Variants in ZNF385B observed in about 807,000 individuals in gnomAD.
ZNF385B encodes the protein zinc finger protein 533.
Under a neutral mutation model 39.2 loss-of-function variants are expected in ZNF385B, and 23 were observed. The ratio of observed to expected loss-of-function variants is 0.59; its 90% CI spans 0.42 to 0.83. The LOEUF is 0.83. Among genes scored for constraint, ZNF385B ranks in the 40% least tolerant of loss-of-function variants. The pLI, the probability that ZNF385B is intolerant of heterozygous loss-of-function variation, is 0.00. For synonymous variants in ZNF385B, 205 were observed against 222.6 expected (o/e 0.92, Z 0.70); for missense variants, 552 against 598.9 (o/e 0.92, Z 0.82).
intron 1 of ZNF385B, among the ~76,000 whole-genome samples, chr2:179,791,086 G>A (rs1459230794): frequency 6.6e-6 from 1 of 152,186 alleles, no homozygotes; most frequent in African/African-American, 2.4e-5. Context: ...GTGGGAGGCA[G>A]CAGGCAATAT....
At chr2:179,636,140 A>G (rs924037272) in intron 3 of ZNF385B, among the ~76,000 whole-genome samples, 1 of 152,214 alleles carries the variant, frequency 6.6e-6, no homozygotes, top group Non-Finnish European at 1.5e-5. Context: ...GCAAGTTTAC[A>G]TGTTTGGTGG....
At chr2:179,444,210 T>C (rs2049245116) in intron 9 of ZNF385B, among the ~76,000 whole-genome samples, 1 of 152,198 alleles carries the variant, frequency 6.6e-6, no homozygotes, top group African/African-American at 2.4e-5. Context: ...AGCTGGAAGG[T>C]AATCTCAGAA....
At chr2:179,542,831 T>C (rs1244279453) in intron 4 of ZNF385B, among the ~76,000 whole-genome samples, 1 of 152,198 alleles carries the variant, frequency 6.6e-6, no homozygotes, top group African/African-American at 2.4e-5. Flanking sequence ...GAAGGATGGA[T>C]ACCAGTTGCT....
At chr2:179,488,701 G>T (rs1263403990) in intron 5 of ZNF385B, among the ~76,000 whole-genome samples, 2 of 152,036 alleles carry the variant, frequency 1.3e-5, no homozygotes, top group Admixed American at 6.6e-5. Context: ...ACTGGCATCT[G>T]TTTTTTTCCT....
chr2:179,468,136 C>T (rs1186843088), intron 6 of ZNF385B, among the ~76,000 whole-genome samples: 3 of 152,232 alleles, frequency 2.0e-5, no homozygotes, highest in Non-Finnish European at 2.9e-5. Context: ...CTGCCAGCCT[C>T]ACACTCAGAT....
At chr2:179,795,444 G>C (rs1705599789) in intron 1 of ZNF385B, among the ~76,000 whole-genome samples, 1 of 152,106 alleles carries the variant, frequency 6.6e-6, no homozygotes, top group Non-Finnish European at 1.5e-5. Flanking sequence ...TTTGTATGTT[G>C]TCAGTGCTAT....
intron 3 of ZNF385B, among the ~76,000 whole-genome samples, chr2:179,733,508 G>A (rs1051442958): frequency 3.3e-5 from 5 of 152,130 alleles, no homozygotes; most frequent in Non-Finnish European, 7.4e-5. Flanking sequence ...AAGTACAAGA[G>A]TTGGTGGCTC....
chr2:179,773,602 A>G (rs1559182124), intron 1 of ZNF385B, among the ~76,000 whole-genome samples: 1 of 152,132 alleles, frequency 6.6e-6, no homozygotes, highest in African/African-American at 2.4e-5. Context: ...AATTATTTAT[A>G]TAGTTTTATG....
At chr2:179,620,259 C>A (rs1690098291) in intron 3 of ZNF385B, among the ~76,000 whole-genome samples, 1 of 152,156 alleles carries the variant, frequency 6.6e-6, no homozygotes, top group Non-Finnish European at 1.5e-5. Context: ...TACTGTAGAT[C>A]CTCTCACTTG....
intron 3 of ZNF385B, among the ~76,000 whole-genome samples, chr2:179,747,764 C>G (rs901457469): frequency 3.3e-5 from 5 of 152,062 alleles, no homozygotes; most frequent in African/African-American, 9.7e-5. Context: ...AAAGGTAATA[C>G]TCTACGTATG....
At chr2:179,565,832 G>A (rs980099665) in intron 3 of ZNF385B, among the ~76,000 whole-genome samples, 1 of 152,180 alleles carries the variant, frequency 6.6e-6, no homozygotes, top group African/African-American at 2.4e-5. Flanking sequence ...CTCCGAAGCT[G>A]CAATGCATTT....
Position 179,446,666 on chromosome 2 carries a change from C to G in ZNF385B, c.820G>C (p.Ala274Pro). ...SGTTPLPPGA[A>P]TSPSKSTNGA... ...TTTGTGCTCTTGGAGGGAGAAGTGG[C>G]TGCTCCAGGTGGCAGGGGTGTTGTG... Residue 274 changes from alanine (A) to proline (P), a missense_variant, in exon 7 of 10, where the codon GCC becomes CCC. Ala to Pro is a conservative substitution (Grantham distance 27). Coordinates refer to ENST00000410066, the MANE Select transcript of ZNF385B (RefSeq NM_152520.6). The G allele has an allele frequency of 6.2e-7, 1 of 1,614,092 alleles. No homozygotes were observed. The highest frequency in any genetic ancestry group is 8.5e-7 in the Non-Finnish European group (1 of 1,180,008).
intron 3 of ZNF385B, among the ~76,000 whole-genome samples, chr2:179,686,830 G>C (rs781530286): frequency 9.9e-5 from 15 of 151,984 alleles, no homozygotes; most frequent in Non-Finnish European, 2.1e-4. Flanking sequence ...ATTTTGTTTA[G>C]AAATACATAT....
intron 3 of ZNF385B, among the ~76,000 whole-genome samples, chr2:179,651,670 C>T (rs534940371): frequency 8.3e-4 from 126 of 152,138 alleles, no homozygotes; most frequent in African/African-American, 2.9e-3. Context: ...AGACAGTCCC[C>T]GAGACTGATT....
intron 6 of ZNF385B, among the ~76,000 whole-genome samples, chr2:179,449,748 CTACTT>C: frequency 6.6e-6 from 1 of 152,062 alleles, no homozygotes; most frequent in African/African-American, 2.4e-5. Flanking sequence ...TTGGAAAATA[CTACTT>C]TAAAGTTCAC....
At chr2:179,818,051 T>C (rs973693029) in intron 1 of ZNF385B, among the ~76,000 whole-genome samples, 1 of 151,890 alleles carries the variant, frequency 6.6e-6, no homozygotes, top group African/African-American at 2.4e-5. Flanking sequence ...TGTGTGTGAA[T>C]GTGTGTGTGT....
intron 3 of ZNF385B, among the ~76,000 whole-genome samples, chr2:179,574,807 TA>T (rs149662338): frequency 9.3e-4 from 142 of 152,238 alleles, no homozygotes; most frequent in East Asian, 1.5e-3. Context: ...GGAGGGATGT[TA>T]GGGGGGAAGG....
chr2:179,611,170 T>C (rs1574976113), intron 3 of ZNF385B, among the ~76,000 whole-genome samples: 2 of 152,346 alleles, frequency 1.3e-5, no homozygotes, highest in African/African-American at 4.8e-5. Flanking sequence ...TGATACTAGC[T>C]GTGGGTCTGT....
chr2:179,761,591 T>G (rs1049709362), intron 3 of ZNF385B, among the ~76,000 whole-genome samples: 56 of 151,932 alleles, frequency 3.7e-4, no homozygotes, highest in Non-Finnish European at 1.0e-4. Context: ...TTGATTTTTT[T>G]TTTTTGAGAC....
Sources: allele counts gnomAD v4.1 joint callset (sites outside exome capture counted in the v4.1 genomes callset), GRCh38; gene constraint gnomAD v4.1.1; transcripts MANE v1.5; gene names NCBI Gene and HGNC (gene_info 2026-07-23, HGNC 2026-07-21).